The following ENOX2 variants were observed in gnomAD, a reference collection of about 807,000 sequenced individuals.
ENOX2 encodes the protein APK1 antigen.
Under a neutral mutation model 45.0 loss-of-function variants are expected in ENOX2, and 36 were observed. That is an observed-to-expected ratio of 0.80 (90% confidence interval 0.61 to 1.06). The LOEUF is 1.06. Ranked by LOEUF, ENOX2 falls within the 50% of genes least tolerant of loss-of-function variation. The probability of loss-of-function intolerance (pLI) is 0.00; values close to 1 mark genes in which losing one functional copy is unlikely to be tolerated. For synonymous variants in ENOX2, 174 were observed against 152.3 expected (o/e 1.14, Z -1.05); for missense variants, 423 against 462.5 (o/e 0.91, Z 0.78).
intron 2 of ENOX2, among the ~76,000 whole-genome samples, chrX:130,811,816 A>T (rs1397980776): frequency 1.8e-5 from 2 of 112,587 alleles, no homozygotes; most frequent in Non-Finnish European, 3.7e-5. Flanking sequence ...ATTGAAATAA[A>T]AAAACAATAA....
chrX:130,811,809 G>A (rs2077393894), intron 2 of ENOX2, among the ~76,000 whole-genome samples: 1 of 111,722 alleles, frequency 9.0e-6, no homozygotes. Flanking sequence ...ACAATTCATT[G>A]AAATAAAAAA....
chrX:130,880,852 T>C (rs1473186899), intron 2 of ENOX2, among the ~76,000 whole-genome samples: 2 of 112,447 alleles, frequency 1.8e-5, no homozygotes, highest in Non-Finnish European at 3.8e-5. Flanking sequence ...TTAAATTTAG[T>C]TGAGATCATA....
chrX:130,730,567 A>G (rs1028447616), intron 3 of ENOX2, among the ~76,000 whole-genome samples: 2 of 112,464 alleles, frequency 1.8e-5, no homozygotes, highest in African/African-American at 3.2e-5. Context: ...ATTTAGAAAG[A>G]TCCTTTGCCA....
intron 6 of ENOX2, among the ~76,000 whole-genome samples, chrX:130,672,428 G>C (rs1160927107): frequency 8.9e-6 from 1 of 112,458 alleles, no homozygotes; most frequent in Non-Finnish European, 1.9e-5. Context: ...GGGCCACTTA[G>C]GGGCCTGGGA....
At chrX:130,788,130 C>T (rs2148405907) in intron 2 of ENOX2, among the ~76,000 whole-genome samples, 1 of 112,042 alleles carries the variant, frequency 8.9e-6, no homozygotes, top group African/African-American at 3.2e-5. Context: ...AGGTCAAATG[C>T]TATTTTAAGT....
intron 10 of ENOX2, among the ~76,000 whole-genome samples, chrX:130,654,570 G>A (rs1431662864): frequency 2.7e-5 from 3 of 112,182 alleles, no homozygotes; most frequent in Non-Finnish European, 5.6e-5. Flanking sequence ...CTCACAATGA[G>A]CGGGATTTCT....
At chrX:130,784,081 T>C (rs1051504038) in intron 2 of ENOX2, among the ~76,000 whole-genome samples, 8 of 111,843 alleles carry the variant, frequency 7.2e-5, no homozygotes, top group African/African-American at 2.3e-4. Flanking sequence ...GGTATGTTGA[T>C]CTCATGCAGA....
At chrX:130,678,322 C>T (rs1318114402) in intron 6 of ENOX2, among the ~76,000 whole-genome samples, 1 of 111,568 alleles carries the variant, frequency 9.0e-6, no homozygotes, top group Non-Finnish European at 1.9e-5. Flanking sequence ...TACCTCTCAG[C>T]CCATCTTCTG....
intron 14 of ENOX2, among the ~76,000 whole-genome samples, chrX:130,626,810 A>G (rs932327756): frequency 4.5e-5 from 5 of 112,122 alleles, no homozygotes; most frequent in Admixed American, 3.8e-4. Flanking sequence ...TGTTAAGAGA[A>G]CATATGCTTA....
intron 3 of ENOX2, among the ~76,000 whole-genome samples, chrX:130,772,124 C>G (rs2039755770): frequency 8.9e-6 from 1 of 112,048 alleles, no homozygotes; most frequent in Admixed American, 9.4e-5. Context: ...GACAGGAGGG[C>G]AAAAAGTGAA....
At position 130,714,429 on chromosome X, in the gene ENOX2, C is replaced by A. The variant is rs146469744; in HGVS notation, c.-38-11175G>T. The stretch of plus-strand genomic sequence containing the variant: ...CCAGGGTTCACTGCTAAAGTTTTCA[C>A]CTGGGTGGCACTGGGGACTCTGCCT... On this transcript the variant is annotated intron_variant, in intron 3 of 14. Coordinates refer to ENST00000394363, the MANE Select transcript of ENOX2 (RefSeq NM_006375.4). Among the ~76,000 whole-genome samples the A allele has an allele frequency of 4.5e-5, 5 of 111,613 alleles. No individual in the cohort carries two copies. The East Asian group carries it at 1.4e-3, about 31-fold the overall frequency.
In ENOX2 at chrX:130,852,411, G is replaced by C. The variant is rs186509628; in HGVS notation, c.-183+49273C>G. Among the ~76,000 whole-genome samples, 573 of 111,994 alleles carry C rather than the reference G, an allele frequency of 5.1e-3. 2 individuals carry two copies. Among genetic ancestry groups the C allele is most frequent in the African/African-American group, 0.018 (549 of 30,859 alleles). Reference sequence around the variant, plus strand: ...AGAGCTCTGACACTTTCCAAGGAGAGAGACAGTGAACAAATCCATAGATAC... The same window carrying C: ...AGAGCTCTGACACTTTCCAAGGAGACAGACAGTGAACAAATCCATAGATAC... On this transcript the variant is annotated intron_variant, in intron 2 of 14. Coordinates refer to ENST00000394363, the MANE Select transcript of ENOX2 (RefSeq NM_006375.4).
chrX:130,813,729 C>T (rs774494957), intron 2 of ENOX2, among the ~76,000 whole-genome samples: 97 of 112,059 alleles, frequency 8.7e-4, no homozygotes, highest in African/African-American at 3.0e-3. Flanking sequence ...AGATACTATG[C>T]TTTTCCCACG....
intron 3 of ENOX2, among the ~76,000 whole-genome samples, chrX:130,738,892 C>A (rs1411852078): frequency 8.9e-6 from 1 of 111,921 alleles, no homozygotes; most frequent in Non-Finnish European, 1.9e-5. Flanking sequence ...CTATTACCTG[C>A]TGAAAACAAA....
chrX:130,706,264 T>G (rs2038034098), intron 3 of ENOX2, among the ~76,000 whole-genome samples: 1 of 112,117 alleles, frequency 8.9e-6, no homozygotes. Flanking sequence ...ATTATTATAA[T>G]AAGTACTGTA....
intron 5 of ENOX2, among the ~76,000 whole-genome samples, chrX:130,686,763 C>T (rs1040190031): frequency 8.9e-6 from 1 of 112,174 alleles, no homozygotes; most frequent in African/African-American, 3.2e-5. Context: ...GTGTTTTCTC[C>T]ACCCAAGTAA....
At chrX:130,769,186 A>G (rs905852094) in intron 3 of ENOX2, among the ~76,000 whole-genome samples, 4 of 111,390 alleles carry the variant, frequency 3.6e-5, no homozygotes, top group African/African-American at 1.3e-4. Context: ...ACCCCAGAAC[A>G]TTTCTCAGTG....
chrX:130,732,795 A>C (rs1195395850), intron 3 of ENOX2, among the ~76,000 whole-genome samples: 2 of 111,765 alleles, frequency 1.8e-5, no homozygotes, highest in Non-Finnish European at 3.8e-5. Flanking sequence ...TCTCTTTAAC[A>C]AACAGTGCTG....
At chrX:130,856,654 T>C (rs985522102) in intron 2 of ENOX2, among the ~76,000 whole-genome samples, 1 of 110,822 alleles carries the variant, frequency 9.0e-6, no homozygotes, top group Non-Finnish European at 1.9e-5. Flanking sequence ...CTATATATAT[T>C]CTTATATATC....
Sources: allele counts gnomAD v4.1 joint callset (sites outside exome capture counted in the v4.1 genomes callset), GRCh38; gene constraint gnomAD v4.1.1; transcripts MANE v1.5; gene names NCBI Gene and HGNC (gene_info 2026-07-23, HGNC 2026-07-21).